The following PPARGC1A variants were observed in gnomAD, a reference collection of about 807,000 sequenced individuals.
PPARGC1A encodes peroxisome proliferator-activated receptor gamma coactivator 1-alpha.
A neutral mutation model predicts 88.7 loss-of-function variants in PPARGC1A; 25 were observed. The observed-to-expected ratio is 0.28, with a 90% CI of 0.21 to 0.39. The LOEUF (loss-of-function observed/expected upper bound fraction) is 0.39, where lower values mean the gene tolerates loss of function less well. PPARGC1A is among the 10% of genes least tolerant of loss of function. The pLI is 1.00. For synonymous variants in PPARGC1A, 363 were observed against 355.6 expected (o/e 1.02, Z -0.24); for missense variants, 880 against 968.7 (o/e 0.91, Z 1.22).
upstream of PPARGC1A, among the ~76,000 whole-genome samples, chr4:23,903,494 T>C (rs546130179): frequency 1.6e-3 from 249 of 152,278 alleles, 2 homozygotes; most frequent in African/African-American, 5.8e-3. Context: ...TGAGTAATGT[T>C]GAGAGCATCA....
chr4:23,912,809 G>C, the PPARGC1A span, among the ~76,000 whole-genome samples: 1 of 144,570 alleles, frequency 6.9e-6, no homozygotes, highest in Non-Finnish European at 1.5e-5. Flanking sequence ...TTTTTTTTTA[G>C]ACGGAGTCTC....
At chr4:23,868,889 A>G (rs1577583445) in intron 2 of PPARGC1A, among the ~76,000 whole-genome samples, 1 of 152,178 alleles carries the variant, frequency 6.6e-6, no homozygotes, top group East Asian at 1.9e-4. Flanking sequence ...TTCCAATGGC[A>G]CTCAAAGGAA....
At chr4:24,029,102 G>A in the PPARGC1A span, among the ~76,000 whole-genome samples, 4 of 152,122 alleles carry the variant, frequency 2.6e-5, no homozygotes, top group Admixed American at 6.5e-5. Context: ...GTCCCTCCGT[G>A]TCCTACAAAG....
the PPARGC1A span, among the ~76,000 whole-genome samples, chr4:24,176,833 A>G: frequency 6.6e-6 from 1 of 152,234 alleles, no homozygotes; most frequent in Non-Finnish European, 1.5e-5. Flanking sequence ...AACCACCAGC[A>G]TGACACCAGT....
chr4:23,928,064 T>C, the PPARGC1A span, among the ~76,000 whole-genome samples: 2 of 152,134 alleles, frequency 1.3e-5, no homozygotes, highest in Admixed American at 1.3e-4. Flanking sequence ...TTTTTACAAC[T>C]GGTACTGCCA....
the PPARGC1A span, among the ~76,000 whole-genome samples, chr4:24,304,411 C>T: frequency 2.4e-4 from 37 of 152,310 alleles, no homozygotes; most frequent in Non-Finnish European, 4.6e-4. Flanking sequence ...TTTGTAAGCA[C>T]TTTGCATGGT....
At chr4:24,110,195 G>A in the PPARGC1A span, among the ~76,000 whole-genome samples, 3 of 152,206 alleles carry the variant, frequency 2.0e-5, no homozygotes, top group South Asian at 2.1e-4. Context: ...TACCCATTTC[G>A]AGCCCAACTT....
chr4:24,126,054 G>T, the PPARGC1A span, among the ~76,000 whole-genome samples: 7 of 151,890 alleles, frequency 4.6e-5, no homozygotes, highest in South Asian at 2.1e-4. Context: ...TTACAGACAA[G>T]GAAAAGAAAA....
At position 23,795,811 on chromosome 4, in the gene PPARGC1A, T is replaced by C; in HGVS notation, c.*11A>G. The C allele has an allele frequency of 6.3e-7, 1 of 1,595,536 alleles. No homozygotes were observed. The highest frequency in any genetic ancestry group is 8.6e-7 in the Non-Finnish European group (1 of 1,167,584). On this transcript the variant is annotated 3_prime_UTR_variant, in exon 13 of 13. Transcript: ENST00000264867. ...TCGCCATCCCTCTGTCATCCTCAGC[T>C]AGGGAACATGTTACCTGCGCAAGCT...
At chr4:23,975,516 C>T in the PPARGC1A span, among the ~76,000 whole-genome samples, 1 of 151,998 alleles carries the variant, frequency 6.6e-6, no homozygotes, top group East Asian at 1.9e-4. Flanking sequence ...CTTCTGGGTT[C>T]AAGCAATTCT....
the PPARGC1A span, among the ~76,000 whole-genome samples, chr4:24,253,147 T>C: frequency 6.6e-6 from 1 of 152,170 alleles, no homozygotes; most frequent in Non-Finnish European, 1.5e-5. Context: ...TTTAAGATTT[T>C]GGTCATTTTA....
At chr4:24,077,626 T>TGG in the PPARGC1A span, among the ~76,000 whole-genome samples, 1,196 of 22,928 alleles carry the variant, frequency 0.052, 19 homozygotes, top group African/African-American at 0.19. Context: ...TGTCTAGGGG[T>TGG]GTGTGTGTGT....
chr4:24,308,938 A>AT, the PPARGC1A span, among the ~76,000 whole-genome samples: 213 of 151,580 alleles, frequency 1.4e-3, no homozygotes, highest in Non-Finnish European at 2.0e-3. Context: ...CATATCAGTG[A>AT]TTTTTTTTTC....
At chr4:24,101,929 G>A in the PPARGC1A span, among the ~76,000 whole-genome samples, 5 of 152,290 alleles carry the variant, frequency 3.3e-5, no homozygotes, top group South Asian at 6.2e-4. Context: ...GAGAACTAAC[G>A]ATTGAGAGAT....
chr4:23,967,137 A>T, the PPARGC1A span, among the ~76,000 whole-genome samples: 12 of 152,180 alleles, frequency 7.9e-5, no homozygotes, highest in African/African-American at 2.7e-4. Context: ...CTAAGTTGCC[A>T]CAAAAGCCAT....
the PPARGC1A span, among the ~76,000 whole-genome samples, chr4:24,172,642 GGGT>G: frequency 3.9e-5 from 6 of 152,170 alleles, no homozygotes; most frequent in Non-Finnish European, 2.9e-5. Flanking sequence ...TGAATGCCTG[GGGT>G]GTTTTAGATG....
rs1356010564 is a variant in PPARGC1A at position 23,802,292 on chromosome 4, T to C, written c.2073A>G (p.Thr691=). 6.2e-7 allele frequency: 1 copy of C among 1,613,876 alleles called. No homozygotes were observed. Among genetic ancestry groups the C allele is most frequent in the Non-Finnish European group, 8.5e-7 (1 of 1,179,952 alleles). ...VGKIRPDTTR[T]ELRDRFEVFG... is the part of the protein sequence containing the mutation. ...AAACTTCAAAACGGTCCCTCAGTTC[T>C]GTCCGTGTTGTGTCAGGTCTGATTT... Residue 691 remains threonine, a synonymous_variant, in exon 11 of 13, where the codon ACA becomes ACG. Transcript: ENST00000264867.
chr4:24,081,431 G>T, the PPARGC1A span, among the ~76,000 whole-genome samples: 1 of 152,034 alleles, frequency 6.6e-6, no homozygotes, highest in Non-Finnish European at 1.5e-5. Flanking sequence ...CTTTTAAAGT[G>T]GTACACAAAA....
the PPARGC1A span, among the ~76,000 whole-genome samples, chr4:24,090,879 G>A: frequency 2.6e-5 from 4 of 152,316 alleles, no homozygotes; most frequent in East Asian, 5.8e-4. Flanking sequence ...GTATTGTAAC[G>A]TATAAACATT....
Sources: allele counts gnomAD v4.1 joint callset (sites outside exome capture counted in the v4.1 genomes callset), GRCh38; gene constraint gnomAD v4.1.1; transcripts MANE v1.5; gene names NCBI Gene and HGNC (gene_info 2026-07-23, HGNC 2026-07-21).